Variants in GLRA3 observed in about 807,000 individuals in gnomAD.
GLRA3 encodes glycine receptor alpha 3, also known as glycine receptor subunit alpha-3.
A neutral mutation model predicts 60.4 loss-of-function variants in GLRA3; 44 were observed. That is an observed-to-expected ratio of 0.73 (90% CI 0.57 to 0.94). The LOEUF (loss-of-function observed/expected upper bound fraction) is 0.94. Among genes scored for constraint, GLRA3 ranks in the 40% least tolerant of loss-of-function variants. GLRA3 has a pLI of 0.00. For missense variants in GLRA3, 508 were observed against 564.6 expected, an observed-to-expected ratio of 0.90 and a Z score of 1.02; for synonymous variants, 223 against 192.9, an observed-to-expected ratio of 1.16 and a Z score of -1.29.
chr4:174,708,642 C>A (rs1332661594), intron 5 of GLRA3, among the ~76,000 whole-genome samples: 1 of 147,938 alleles, frequency 6.8e-6, no homozygotes, highest in Non-Finnish European at 1.5e-5. Flanking sequence ...TCTTGTTGCC[C>A]GGGCTGCAGT....
chr4:174,679,616 T>A (rs994670501), intron 6 of GLRA3, among the ~76,000 whole-genome samples: 1 of 152,058 alleles, frequency 6.6e-6, no homozygotes, highest in African/African-American at 2.4e-5. Context: ...ATAGCTAAGA[T>A]AAGGAACCAA....
At chr4:174,746,585 T>C (rs1737259193) in intron 3 of GLRA3, among the ~76,000 whole-genome samples, 1 of 152,168 alleles carries the variant, frequency 6.6e-6, no homozygotes, top group Non-Finnish European at 1.5e-5. Flanking sequence ...TAGAGTTTGA[T>C]AGAGGACGAG....
intron 6 of GLRA3, among the ~76,000 whole-genome samples, chr4:174,679,979 A>G (rs962920083): frequency 4.6e-5 from 7 of 152,202 alleles, no homozygotes; most frequent in African/African-American, 1.7e-4. Flanking sequence ...CGTACATTTC[A>G]AAGTAGAAAG....
chr4:174,747,340 C>T (rs893939498), intron 3 of GLRA3, among the ~76,000 whole-genome samples: 4 of 152,008 alleles, frequency 2.6e-5, no homozygotes, highest in Non-Finnish European at 2.9e-5. Context: ...CTGAAATGCA[C>T]AGTGGGTTAG....
At chr4:174,815,295 T>C (rs563751172) in intron 1 of GLRA3, among the ~76,000 whole-genome samples, 1 of 152,270 alleles carries the variant, frequency 6.6e-6, no homozygotes, top group African/African-American at 2.4e-5. Flanking sequence ...CTCCTGGCTG[T>C]TTTCATGGGC....
At chr4:174,822,853 T>C (rs991642689) in intron 1 of GLRA3, among the ~76,000 whole-genome samples, 4 of 152,206 alleles carry the variant, frequency 2.6e-5, no homozygotes, top group African/African-American at 9.6e-5. Context: ...CTTCTGTGCA[T>C]CACGTTGCCT....
At chr4:174,769,610 TCAAA>T (rs2111244442) in intron 2 of GLRA3, among the ~76,000 whole-genome samples, 1 of 152,198 alleles carries the variant, frequency 6.6e-6, no homozygotes, top group African/African-American at 2.4e-5. Context: ...TTGCTCTGGT[TCAAA>T]GCAATCGTTC....
At chr4:174,706,045 T>G (rs140179969) in intron 5 of GLRA3, among the ~76,000 whole-genome samples, 24 of 152,076 alleles carry the variant, frequency 1.6e-4, no homozygotes, top group South Asian at 6.2e-4. Flanking sequence ...CTGTGTAACA[T>G]GGTGAAACCC....
At chr4:174,823,250 A>AG (rs1314020676) in intron 1 of GLRA3, among the ~76,000 whole-genome samples, 1 of 70,352 alleles carries the variant, frequency 1.4e-5, no homozygotes, top group African/African-American at 4.6e-5. Flanking sequence ...ACTCAAAAAA[A>AG]AAATGTATTT....
chr4:174,800,175 T>C (rs775921029), intron 1 of GLRA3, among the ~76,000 whole-genome samples: 1 of 151,846 alleles, frequency 6.6e-6, no homozygotes, highest in African/African-American at 2.4e-5. Context: ...GTATGGAAAG[T>C]TGATAAAATG....
intron 1 of GLRA3, among the ~76,000 whole-genome samples, chr4:174,814,886 C>T (rs1407413629): frequency 6.6e-6 from 1 of 152,180 alleles, no homozygotes; most frequent in African/African-American, 2.4e-5. Flanking sequence ...AATCTCATGT[C>T]CTCAGATTTC....
chr4:174,655,331 C>T (rs1401226517), intron 9 of GLRA3, among the ~76,000 whole-genome samples: 1 of 152,028 alleles, frequency 6.6e-6, no homozygotes, highest in East Asian at 1.9e-4. Context: ...AACAACCACC[C>T]CCAAATTTGC....
At chr4:174,723,492 TAAAC>T (rs1341289645) in intron 4 of GLRA3, among the ~76,000 whole-genome samples, 2 of 152,046 alleles carry the variant, frequency 1.3e-5, no homozygotes, top group East Asian at 3.9e-4. Flanking sequence ...AGACTTAAAA[TAAAC>T]AAATACATGT....
chr4:174,782,118 C>G (rs111830591), intron 2 of GLRA3, among the ~76,000 whole-genome samples: 1 of 147,140 alleles, frequency 6.8e-6, no homozygotes, highest in Non-Finnish European at 1.5e-5. Flanking sequence ...GCTTATCCAC[C>G]ATGATCAAGT....
chr4:174,719,839 G>A (rs1233287391), intron 4 of GLRA3, among the ~76,000 whole-genome samples: 1 of 152,138 alleles, frequency 6.6e-6, no homozygotes, highest in African/African-American at 2.4e-5. Context: ...CTTACGACAT[G>A]CATTTTATAG....
chr4:174,782,109 C>A (rs1738902709), intron 2 of GLRA3, among the ~76,000 whole-genome samples: 1 of 147,364 alleles, frequency 6.8e-6, no homozygotes. Flanking sequence ...CATCAAAAAG[C>A]TTATCCACCA....
chr4:174,793,423 C>CATTTATTT (rs3059164), intron 1 of GLRA3, among the ~76,000 whole-genome samples: 288 of 120,084 alleles, frequency 2.4e-3, no homozygotes, highest in Admixed American at 5.0e-3. Context: ...AATTTACATT[C>CATTTATTT]ATTTATTTAT....
rs181562034 is a variant in GLRA3 at position 174,692,081 on chromosome 4, G to A, written c.575-9142C>T. ...AGGTGAGGAGCGTCTCTGCTGGGCC[G>A]CCCTGTCTGAGAAGTGAGGAGACCC... On this transcript the variant is annotated intron_variant, in intron 5 of 9. Coordinates refer to ENST00000274093, the MANE Select transcript of GLRA3 (RefSeq NM_006529.4). Among the ~76,000 whole-genome samples, 1,025 of 147,470 alleles carry A rather than the reference G, an allele frequency of 7.0e-3. 11 individuals carry two copies. Among genetic ancestry groups the A allele is most frequent in the African/African-American group, 0.024 (970 of 39,842 alleles).
At chr4:174,755,998 G>T (rs887886888) in intron 3 of GLRA3, among the ~76,000 whole-genome samples, 3 of 152,098 alleles carry the variant, frequency 2.0e-5, no homozygotes, top group African/African-American at 7.2e-5. Flanking sequence ...GTAAGTGTAT[G>T]TAAATAATTT....
Sources: allele counts gnomAD v4.1 joint callset (sites outside exome capture counted in the v4.1 genomes callset), GRCh38; gene constraint gnomAD v4.1.1; transcripts MANE v1.5; gene names NCBI Gene and HGNC (gene_info 2026-07-23, HGNC 2026-07-21).